Variants in DNM3 observed in about 807,000 individuals in gnomAD.
The protein encoded by DNM3 is dynamin-3.
In DNM3, 47 loss-of-function variants were observed where a neutral mutation model predicts 101.6. The ratio of observed to expected loss-of-function variants is 0.46; its 90% CI spans 0.37 to 0.59. DNM3 has a LOEUF of 0.59. DNM3 is among the 20% of genes least tolerant of loss of function. The pLI, the probability that DNM3 is intolerant of heterozygous loss-of-function variation, is 0.00. For missense variants in DNM3, 849 were observed against 1,085.7 expected, an observed-to-expected ratio of 0.78 and a Z score of 3.06; for synonymous variants, 385 against 387.9, an observed-to-expected ratio of 0.99 and a Z score of 0.09.
intron 1 of DNM3, among the ~76,000 whole-genome samples, chr1:171,888,660 A>G (rs2036991505): frequency 6.6e-6 from 1 of 152,238 alleles, no homozygotes; most frequent in African/African-American, 2.4e-5. Context: ...AAGCCAGAGC[A>G]TCTGATGCAT....
In DNM3 at chr1:171,925,710, G is replaced by A. The variant is rs188767152; in HGVS notation, c.235+3889G>A. Among the ~76,000 whole-genome samples, 12 of 152,236 alleles carry A rather than the reference G, an allele frequency of 7.9e-5. No individual in the cohort carries two copies. The East Asian group carries it at 2.1e-3, about 27-fold the overall frequency. On this transcript the variant is annotated intron_variant, in intron 2 of 20. Coordinates refer to ENST00000627582, the MANE Select transcript of DNM3 (RefSeq NM_015569.5). ...TGCAGTGCATAATGTCTTTAGTTTA[G>A]TTAAGTCCCGTTTGTCTATTTCTGT...
chr1:171,874,054 G>A (rs1265496043), intron 1 of DNM3, among the ~76,000 whole-genome samples: 1 of 152,182 alleles, frequency 6.6e-6, no homozygotes, highest in African/African-American at 2.4e-5. Context: ...ACGGTAGACA[G>A]TTCTTTCCTT....
chr1:172,253,097 T>A (rs543205565), intron 14 of DNM3, among the ~76,000 whole-genome samples: 1 of 152,262 alleles, frequency 6.6e-6, no homozygotes, highest in Non-Finnish European at 1.5e-5. Context: ...CTGCTTAGGC[T>A]GCAAATAAAA....
intron 19 of DNM3, among the ~76,000 whole-genome samples, chr1:172,387,657 CA>C (rs1244610171): frequency 1.0e-3 from 137 of 136,854 alleles, no homozygotes; most frequent in Admixed American, 1.0e-3. Context: ...GACTCCGTCT[CA>C]AAAAAAAAAA....
intron 17 of DNM3, among the ~76,000 whole-genome samples, chr1:172,360,404 A>G (rs958337205): frequency 8.5e-5 from 13 of 152,076 alleles, no homozygotes. Flanking sequence ...AATGTAAAAC[A>G]ACTATTTTTC....
At chr1:172,010,592 T>TC (rs2047044108) in intron 4 of DNM3, among the ~76,000 whole-genome samples, 1 of 149,936 alleles carries the variant, frequency 6.7e-6, no homozygotes, top group South Asian at 2.1e-4. Context: ...CTCTCTTTTT[T>TC]CCCTCTCTGC....
intron 14 of DNM3, among the ~76,000 whole-genome samples, chr1:172,180,019 T>C (rs1214613769): frequency 6.6e-6 from 1 of 152,012 alleles, no homozygotes; most frequent in Non-Finnish European, 1.5e-5. Context: ...ACCGTGTCTC[T>C]GAGTTCTGAG....
chr1:172,090,779 C>T (rs931811854), intron 12 of DNM3, among the ~76,000 whole-genome samples: 1 of 152,154 alleles, frequency 6.6e-6, no homozygotes, highest in Non-Finnish European at 1.5e-5. Flanking sequence ...TTATTTTGAT[C>T]AGCTGTTCTA....
At chr1:172,303,488 A>G (rs908651868) in intron 15 of DNM3, among the ~76,000 whole-genome samples, 1 of 152,210 alleles carries the variant, frequency 6.6e-6, no homozygotes, top group Non-Finnish European at 1.5e-5. Context: ...CTTCCAACCT[A>G]GCAAGGGAGG....
chr1:172,309,085 C>T (rs1207252559), intron 16 of DNM3: 2 of 388,986 alleles, frequency 5.1e-6, no homozygotes, highest in Middle Eastern at 6.5e-4. Flanking sequence ...CCATAAAACA[C>T]ATATGCAATC....
At chr1:172,051,338 C>A (rs2050191115) in intron 10 of DNM3, among the ~76,000 whole-genome samples, 1 of 152,160 alleles carries the variant, frequency 6.6e-6, no homozygotes, top group South Asian at 2.1e-4. Flanking sequence ...CCCTTGCATT[C>A]ATCAGGATCT....
rs2069236360 is a variant in DNM3 at position 172,387,282 on chromosome 1, T to G, written c.2208T>G (p.Ile736Met). The change falls in exon 19 of 21, where the codon ATT becomes ATG. Residue 736 changes from isoleucine to methionine, a missense_variant. Transcript: ENST00000627582. ...YQALKEALGIIGDISTATVST... is the reference protein window; with the variant it reads ...YQALKEALGIMGDISTATVST... ...CACTGAAAGAAGCCCTTGGGATAAT[T>G]GGGGACATCAGCACAGCCACCGTGT... 1.2e-6 allele frequency: 2 copies of G among 1,613,776 alleles called. No individual in the cohort carries two copies. The highest frequency in any genetic ancestry group is 8.5e-7 in the Non-Finnish European group (1 of 1,179,862).
At chr1:172,202,540 A>G (rs575005205) in intron 14 of DNM3, among the ~76,000 whole-genome samples, 21 of 152,264 alleles carry the variant, frequency 1.4e-4, no homozygotes, top group African/African-American at 4.1e-4. Flanking sequence ...TACTTTATAT[A>G]TGTATTTCTT....
intron 14 of DNM3, among the ~76,000 whole-genome samples, chr1:172,213,027 G>C (rs2060566694): frequency 1.3e-5 from 2 of 152,104 alleles, no homozygotes; most frequent in Admixed American, 1.3e-4. Context: ...GAGCTACTTG[G>C]AGGAAGAAAA....
At chr1:172,350,059 G>C (rs1350924970) in intron 17 of DNM3, among the ~76,000 whole-genome samples, 2 of 152,100 alleles carry the variant, frequency 1.3e-5, no homozygotes, top group Non-Finnish European at 2.9e-5. Flanking sequence ...TGCTAAATTG[G>C]TATCGATTTC....
At chr1:171,937,515 C>T (rs1038670091) in intron 2 of DNM3, among the ~76,000 whole-genome samples, 1 of 152,126 alleles carries the variant, frequency 6.6e-6, no homozygotes. Flanking sequence ...CTGGACATCA[C>T]CCCTGGGAGG....
intron 20 of DNM3, among the ~76,000 whole-genome samples, chr1:172,404,267 G>A (rs1281480356): frequency 6.6e-6 from 1 of 151,986 alleles, no homozygotes; most frequent in African/African-American, 2.4e-5. Flanking sequence ...ATCTAGCTAT[G>A]CAGTGCCTAT....
At chr1:171,872,106 T>C (rs919090422) in intron 1 of DNM3, among the ~76,000 whole-genome samples, 21 of 152,048 alleles carry the variant, frequency 1.4e-4, no homozygotes, top group African/African-American at 4.8e-4. Flanking sequence ...GACAAAGCAT[T>C]GTAGAGGGTT....
At chr1:172,137,544 G>A (rs977986161) in intron 14 of DNM3, 1 of 151,976 alleles carries the variant, frequency 6.6e-6, no homozygotes, top group Non-Finnish European at 1.5e-5. Flanking sequence ...AAACTCACTG[G>A]GATCTTAGCT....
Sources: allele counts gnomAD v4.1 joint callset (sites outside exome capture counted in the v4.1 genomes callset), GRCh38; gene constraint gnomAD v4.1.1; transcripts MANE v1.5; gene names NCBI Gene and HGNC (gene_info 2026-07-23, HGNC 2026-07-21).